RPS6KA5: variants seen among roughly 807,000 people sequenced by gnomAD.
The protein encoded by RPS6KA5 is ribosomal protein S6 kinase A5.
Under a neutral mutation model 85.5 loss-of-function variants are expected in RPS6KA5, and 27 were observed. The ratio of observed to expected loss-of-function variants is 0.32; its 90% CI spans 0.23 to 0.44. The LOEUF is 0.44. Ranked by LOEUF, RPS6KA5 falls within the 20% of genes least tolerant of loss-of-function variation. RPS6KA5 has a pLI of 1.00. For missense variants in RPS6KA5, 811 were observed against 980.9 expected, an observed-to-expected ratio of 0.83 and a Z score of 2.31; for synonymous variants, 334 against 348.2, an observed-to-expected ratio of 0.96 and a Z score of 0.46.
rs150685790 is a variant in RPS6KA5, at chr14:90,925,415, T to G, written c.619-2219A>C. Among the ~76,000 whole-genome samples, 280 of 152,298 alleles carry G rather than the reference T, an allele frequency of 1.8e-3. 1 individual carries two copies. Among genetic ancestry groups the G allele is most frequent in the African/African-American group, 6.4e-3 (267 of 41,576 alleles). On this transcript the variant is annotated intron_variant, in intron 5 of 16. Transcript: ENST00000614987. ...CATTCGTTTCTGTCTAGGCCCTAGC[T>G]GAACAAAGTTCCTCCTATGAGCTTA... is the stretch of plus-strand genomic sequence containing the variant.
intron 1 of RPS6KA5, among the ~76,000 whole-genome samples, chr14:91,051,175 G>A (rs998729829): frequency 3.3e-5 from 5 of 152,060 alleles, no homozygotes; most frequent in Non-Finnish European, 5.9e-5. Context: ...GGAGGCAGTG[G>A]TTGCAGTGAG....
At chr14:90,910,479 G>T (rs2035744493) in intron 7 of RPS6KA5, among the ~76,000 whole-genome samples, 1 of 151,906 alleles carries the variant, frequency 6.6e-6, no homozygotes, top group Middle Eastern at 3.2e-3. Flanking sequence ...TAGTGAGTGT[G>T]TGAGTGTCCA....
At chr14:91,060,282 C>T in intron 1 of RPS6KA5, 50 bp downstream of exon 1, 1 of 1,133,254 alleles carries the variant, frequency 8.8e-7, no homozygotes, top group Non-Finnish European at 1.1e-6. Context: ...CGCGTGCCCT[C>T]AGGCGCGCCC....
chr14:91,032,606 G>C (rs1225127848), intron 1 of RPS6KA5, among the ~76,000 whole-genome samples: 2 of 152,160 alleles, frequency 1.3e-5, no homozygotes, highest in African/African-American at 4.8e-5. Context: ...CATCTAGTTG[G>C]AACATCAGAG....
chr14:91,040,289 TC>T (rs923043685), intron 1 of RPS6KA5, among the ~76,000 whole-genome samples: 5 of 152,144 alleles, frequency 3.3e-5, no homozygotes, highest in Non-Finnish European at 7.4e-5. Flanking sequence ...ATGCCTGTAA[TC>T]CCAGCTACTT....
At chr14:90,943,842 TTTGTTGTTGTTA>T (rs986457008) in intron 4 of RPS6KA5, among the ~76,000 whole-genome samples, 10 of 152,124 alleles carry the variant, frequency 6.6e-5, no homozygotes, top group African/African-American at 2.4e-4. Flanking sequence ...TTAGTTGTTT[TTTGTTGTTGTTA>T]TTGTTGTTGT....
intron 3 of RPS6KA5, among the ~76,000 whole-genome samples, chr14:90,977,907 T>A (rs1395099733): frequency 3.3e-5 from 5 of 151,916 alleles, no homozygotes; most frequent in Non-Finnish European, 5.9e-5. Context: ...ATACAAAAAT[T>A]AGCTGGGCAT....
chr14:91,059,353 A>AAT (rs2043513945), intron 1 of RPS6KA5, among the ~76,000 whole-genome samples: 1 of 152,042 alleles, frequency 6.6e-6, no homozygotes, highest in Admixed American at 6.6e-5. Context: ...AAAAAAAAAA[A>AAT]AAAATCCCAA....
chr14:90,983,805 C>CTG (rs1319186825), intron 2 of RPS6KA5, among the ~76,000 whole-genome samples: 15 of 125,344 alleles, frequency 1.2e-4, no homozygotes, highest in East Asian at 8.6e-4. Context: ...CTCTCTCTCT[C>CTG]TCTCTCTCTC....
intron 3 of RPS6KA5, among the ~76,000 whole-genome samples, chr14:90,974,799 A>G (rs1379794543): frequency 6.6e-6 from 1 of 152,238 alleles, no homozygotes; most frequent in African/African-American, 2.4e-5. Flanking sequence ...CAGGCTAACC[A>G]TTAGAGAACT....
intron 7 of RPS6KA5, chr14:90,911,264 A>C (rs905030750): frequency 2.6e-5 from 4 of 152,228 alleles, no homozygotes; most frequent in Non-Finnish European, 5.9e-5. Flanking sequence ...ACAAATATTT[A>C]GTGAATAAAT....
rs565955856 is a variant in RPS6KA5 at position 90,892,291 on chromosome 14, T to G, written c.1645-1613A>C. ...TGCTGGGATTACAGGTGTGAGCCAC[T>G]GCGCTCGGCCAGTTTCACTTCTTAA... On this transcript the variant is annotated intron_variant, in intron 13 of 16. Coordinates refer to ENST00000614987, the MANE Select transcript of RPS6KA5 (RefSeq NM_004755.4). 1.4e-4 allele frequency among the ~76,000 whole-genome samples: 21 copies of G among 152,282 alleles called. No homozygotes were observed. The South Asian group carries it at 4.1e-3, about 30-fold the overall frequency.
chr14:90,993,623 A>G (rs2040397700), intron 2 of RPS6KA5, among the ~76,000 whole-genome samples: 2 of 152,232 alleles, frequency 1.3e-5, no homozygotes. Flanking sequence ...TTGCTGTTGT[A>G]AAGTCCACTG....
intron 2 of RPS6KA5, among the ~76,000 whole-genome samples, chr14:91,000,656 G>A (rs2040749197): frequency 2.6e-5 from 4 of 152,066 alleles, no homozygotes; most frequent in Admixed American, 2.6e-4. Flanking sequence ...TACAAAATTA[G>A]CTGGGCGTGG....
At chr14:91,023,468 G>A (rs1455483004) in intron 1 of RPS6KA5, among the ~76,000 whole-genome samples, 1 of 151,958 alleles carries the variant, frequency 6.6e-6, no homozygotes, top group Non-Finnish European at 1.5e-5. Flanking sequence ...TGTATTTTTA[G>A]TAGAGATGGG....
intron 13 of RPS6KA5, among the ~76,000 whole-genome samples, chr14:90,891,881 C>T (rs901939441): frequency 5.3e-5 from 8 of 152,162 alleles, no homozygotes. Flanking sequence ...GCACTGTCCA[C>T]ACAGAACAGC....
chr14:90,899,317 A>AGT lies in RPS6KA5; in HGVS notation c.1473+11_1473+12insAC. On this transcript the variant is annotated intron_variant, in intron 12 of 16. Transcript: ENST00000614987. ...GTACACATGGGAAAAAAAAAAAAAA[A>AGT]AAGTAGGATACCTGATCATGAAAAA... 1 of 1,562,060 alleles carries AGT rather than the reference A, an allele frequency of 6.4e-7. No homozygotes were observed. The highest frequency in any genetic ancestry group is 8.7e-7 in the Non-Finnish European group (1 of 1,148,836).
chr14:91,006,665 T>C (rs1328284414), intron 1 of RPS6KA5, among the ~76,000 whole-genome samples: 3 of 152,232 alleles, frequency 2.0e-5, no homozygotes, highest in East Asian at 1.9e-4. Flanking sequence ...TTAAACCAGA[T>C]AGTTTATGGT....
chr14:91,010,533 T>C (rs932768851), intron 1 of RPS6KA5, among the ~76,000 whole-genome samples: 1 of 152,192 alleles, frequency 6.6e-6, no homozygotes, highest in Non-Finnish European at 1.5e-5. Context: ...AATGTCAAAA[T>C]GGGCATCTAA....
Sources: gnomAD v4.1 joint callset for allele counts (sites outside exome capture counted in the v4.1 genomes callset) on GRCh38, gnomAD v4.1.1 for gene constraint, MANE v1.5 for transcripts, NCBI Gene and HGNC (gene_info 2026-07-23, HGNC 2026-07-21) for gene names.